RBFOX1: variants seen among roughly 807,000 people sequenced by gnomAD.
RBFOX1 encodes RNA binding protein fox-1 homolog 1.
RBFOX1 carries 8 observed loss-of-function variants against 57.7 expected under a neutral mutation model. The ratio of observed to expected loss-of-function variants is 0.14; its 90% CI spans 0.08 to 0.25. The LOEUF (loss-of-function observed/expected upper bound fraction) is 0.25, where lower values mean the gene tolerates loss of function less well. Ranked by LOEUF, RBFOX1 falls within the 10% of genes least tolerant of loss-of-function variation. The pLI is 1.00. For synonymous variants in RBFOX1, 326 were observed against 222.4 expected, an observed-to-expected ratio of 1.47 and a Z score of -4.15; for missense variants, 611 against 548.5, an observed-to-expected ratio of 1.11 and a Z score of -1.14.
intron 3 of RBFOX1, among the ~76,000 whole-genome samples, chr16:6,866,150 T>C (rs1349265704): frequency 6.6e-6 from 1 of 152,206 alleles, no homozygotes; most frequent in Non-Finnish European, 1.5e-5. Context: ...CTAATATGCA[T>C]TTTTCTTTAT....
chr16:6,541,663 G>T (rs1418453172), intron 2 of RBFOX1, among the ~76,000 whole-genome samples: 1 of 152,172 alleles, frequency 6.6e-6, no homozygotes, highest in Non-Finnish European at 1.5e-5. Flanking sequence ...TTTAATTGTA[G>T]GAAGAGCAAG....
chr16:7,648,675 C>A (rs535115852), intron 11 of RBFOX1, among the ~76,000 whole-genome samples: 55 of 152,252 alleles, frequency 3.6e-4, no homozygotes, highest in African/African-American at 1.3e-3. Context: ...TGTCAGAGAG[C>A]ATGGTCTGGG....
At chr16:6,981,166 A>C (rs952018948) in intron 3 of RBFOX1, among the ~76,000 whole-genome samples, 38 of 151,420 alleles carry the variant, frequency 2.5e-4, no homozygotes, top group Non-Finnish European at 7.4e-5. Flanking sequence ...GGTTTGTTGC[A>C]CAGATAAGCT....
chr16:6,325,705 A>C (rs933281068), intron 2 of RBFOX1, among the ~76,000 whole-genome samples: 1 of 152,200 alleles, frequency 6.6e-6, no homozygotes, highest in Admixed American at 6.5e-5. Flanking sequence ...ACGATATGGA[A>C]ACAGGAATTT....
intron 4 of RBFOX1, among the ~76,000 whole-genome samples, chr16:7,244,758 G>A (rs1354667591): frequency 2.0e-5 from 3 of 152,326 alleles, no homozygotes; most frequent in East Asian, 1.9e-4. Flanking sequence ...TCCAGGACCT[G>A]GGAGGTCATC....
At chr16:5,581,295 C>T (rs917708337) in intron 2 of RBFOX1, among the ~76,000 whole-genome samples, 25 of 152,074 alleles carry the variant, frequency 1.6e-4, no homozygotes, top group African/African-American at 5.3e-4. Context: ...AGACTTTGGG[C>T]GGAGACAGAG....
intron 2 of RBFOX1, among the ~76,000 whole-genome samples, chr16:6,357,807 C>T (rs918874039): frequency 6.6e-6 from 1 of 151,644 alleles, no homozygotes; most frequent in Non-Finnish European, 1.5e-5. Context: ...AAAAATTAGC[C>T]GGGCGTGGTG....
At chr16:7,230,104 AG>A (rs1473092243) in intron 4 of RBFOX1, among the ~76,000 whole-genome samples, 1 of 149,892 alleles carries the variant, frequency 6.7e-6, no homozygotes, top group Non-Finnish European at 1.5e-5. Context: ...GAGGGAAAGA[AG>A]GAAGGGAGAG....
At chr16:5,508,499 T>C (rs181225181) in intron 2 of RBFOX1, among the ~76,000 whole-genome samples, 1 of 152,280 alleles carries the variant, frequency 6.6e-6, no homozygotes, top group East Asian at 1.9e-4. Flanking sequence ...AAAGTACAGG[T>C]CCTGCCCACT....
At chr16:7,015,188 A>G (rs77851444) in intron 3 of RBFOX1, among the ~76,000 whole-genome samples, 3,236 of 152,216 alleles carry the variant, frequency 0.021, 113 homozygotes, top group African/African-American at 0.072. Context: ...TGTTGTGGTG[A>G]CAGCAGCAGA....
Position 5,519,769 on chromosome 16 carries a change from T to C in RBFOX1, c.258+52515T>C, listed in dbSNP as rs975821122. ...ATACTCTAGACCTGTTATTTATGGA[T>C]AAGACAGCCTGGGCGACTTGTTCCC... On this transcript the variant is annotated intron_variant, in intron 2 of 2. Transcript: ENST00000585867. Among the ~76,000 whole-genome samples, 3 of 152,206 alleles carry C rather than the reference T, an allele frequency of 2.0e-5. No homozygotes were observed. In the East Asian group the frequency reaches 5.8e-4, roughly 29 times the overall value.
chr16:6,397,766 A>G (rs28478880), intron 2 of RBFOX1, among the ~76,000 whole-genome samples: 2 of 152,214 alleles, frequency 1.3e-5, no homozygotes, highest in South Asian at 2.1e-4. Context: ...ACTGTTGAAA[A>G]TTTTTTACAC....
intron 2 of RBFOX1, among the ~76,000 whole-genome samples, chr16:5,597,055 A>G (rs960749911): frequency 6.6e-5 from 10 of 152,210 alleles, no homozygotes; most frequent in Non-Finnish European, 1.5e-5. Flanking sequence ...TCTTCTCATT[A>G]TAAGTTCAGA....
chr16:6,253,307 C>A (rs1414223424), intron 1 of RBFOX1, among the ~76,000 whole-genome samples: 1 of 152,156 alleles, frequency 6.6e-6, no homozygotes, highest in Non-Finnish European at 1.5e-5. Context: ...TAGCTCTCTG[C>A]AAAGTCATCA....
intron 3 of RBFOX1, among the ~76,000 whole-genome samples, chr16:6,889,813 C>A (rs1383693328): frequency 6.6e-6 from 1 of 152,168 alleles, no homozygotes; most frequent in Non-Finnish European, 1.5e-5. Context: ...CTATAAGTTT[C>A]TTTTAGGTGG....
chr16:7,467,717 C>T (rs2060783843), intron 4 of RBFOX1, among the ~76,000 whole-genome samples: 1 of 152,238 alleles, frequency 6.6e-6, no homozygotes. Flanking sequence ...GATCTGTCTA[C>T]TGGGACACCC....
chr16:7,236,933 C>G (rs1421738399), intron 4 of RBFOX1, among the ~76,000 whole-genome samples: 2 of 152,096 alleles, frequency 1.3e-5, no homozygotes, highest in African/African-American at 2.4e-5. Flanking sequence ...AATGATCTGC[C>G]TGCCTCTGTG....
At chr16:7,087,412 TATC>T (rs947453563) in intron 4 of RBFOX1, among the ~76,000 whole-genome samples, 14 of 152,154 alleles carry the variant, frequency 9.2e-5, no homozygotes, top group African/African-American at 3.4e-4. Context: ...ATATTGCTAG[TATC>T]ATCAGTTTTT....
At chr16:6,647,741 G>GC (rs1191242060) in intron 2 of RBFOX1, among the ~76,000 whole-genome samples, 2 of 152,066 alleles carry the variant, frequency 1.3e-5, no homozygotes, top group Non-Finnish European at 2.9e-5. Context: ...GTGATGTGTT[G>GC]CATTTTTTTT....
Sources: gnomAD v4.1 joint callset for allele counts (sites outside exome capture counted in the v4.1 genomes callset) on GRCh38, gnomAD v4.1.1 for gene constraint, MANE v1.5 for transcripts, NCBI Gene and HGNC (gene_info 2026-07-23, HGNC 2026-07-21) for gene names.